CNGB1: variants seen among roughly 807,000 people sequenced by gnomAD.
The protein encoded by CNGB1 is cyclic nucleotide gated channel subunit beta 1.
A neutral mutation model predicts 151.7 loss-of-function variants in CNGB1; 126 were observed. That is an observed-to-expected ratio of 0.83 (90% CI 0.72 to 0.96). The LOEUF (loss-of-function observed/expected upper bound fraction) is 0.96. Ranked by LOEUF, CNGB1 falls within the 40% of genes least tolerant of loss-of-function variation. CNGB1 has a pLI of 0.00. For synonymous variants in CNGB1, 623 were observed against 635.1 expected (o/e 0.98, Z 0.29); for missense variants, 1,698 against 1,627.0 (o/e 1.04, Z -0.75).
intron 25 of CNGB1, among the ~76,000 whole-genome samples, chr16:57,911,476 A>G (rs1403143168): frequency 2.6e-5 from 4 of 151,888 alleles, no homozygotes; most frequent in Non-Finnish European, 4.4e-5. Flanking sequence ...TTTAGTAGAG[A>G]TGGGGTTTTA....
intron 31 of CNGB1, among the ~76,000 whole-genome samples, chr16:57,892,229 T>A (rs1422070779): frequency 6.6e-6 from 1 of 152,164 alleles, no homozygotes; most frequent in Non-Finnish European, 1.5e-5. Flanking sequence ...TGTCCTTGAA[T>A]GACCACAAAA....
At chr16:57,970,584 G>C (rs1962516391) in intron 1 of CNGB1, among the ~76,000 whole-genome samples, 1 of 152,188 alleles carries the variant, frequency 6.6e-6, no homozygotes, top group South Asian at 2.1e-4. Context: ...ACCCTTCCCA[G>C]CAGGCAGCAA....
rs1179228877 is a variant in CNGB1, at chr16:57,923,258, C to G, written c.1643+15G>C. ...CGCAGTCTTTCAATTTTCTGAGACC[C>G]CAGAGGGGTCTCACTCAGTGTCCTT... On this transcript the variant is annotated intron_variant, in intron 18 of 32. Transcript: ENST00000251102. 11 of 1,593,860 alleles carry G rather than the reference C, an allele frequency of 6.9e-6. No individual in the cohort carries two copies. Among genetic ancestry groups the G allele is most frequent in the Non-Finnish European group, 9.4e-6 (11 of 1,165,374 alleles).
Position 57,967,278 on chromosome 16 carries a change from G to A in CNGB1, c.9C>T (p.Gly3=). The A allele has an allele frequency of 1.2e-6, 2 of 1,614,208 alleles. No homozygotes were observed. The highest frequency in any genetic ancestry group is 1.7e-6 in the Non-Finnish European group (2 of 1,180,032). Residue 3 remains glycine, a synonymous_variant, in exon 2 of 33, where the codon GGC becomes GGT. Transcript: ENST00000251102. ...GCTGAGGCAGCACCCTCTGGACCCA[G>A]CCCAACATCCTGATGCCTGTAGGAG... ML[G]WVQRVLPQPP...
intron 14 of CNGB1, among the ~76,000 whole-genome samples, chr16:57,941,730 C>T (rs1253492974): frequency 2.6e-5 from 4 of 152,148 alleles, no homozygotes. Context: ...GTGACAAGCC[C>T]GCAGCTGACA....
chr16:57,883,262 TTTG>T lies in CNGB1; in HGVS notation c.*899_*901del, dbSNP rs1313748089. On this transcript the variant is annotated 3_prime_UTR_variant, in exon 33 of 33. Coordinates refer to ENST00000251102, the MANE Select transcript of CNGB1 (RefSeq NM_001297.5). The stretch of plus-strand genomic sequence containing the variant: ...GAACAGCTCGGGCTGCCCTCCTTTC[TTTG>T]TTTTTTTGTTTGTGTACGTTGTTGT... 8.1e-6 allele frequency: 1 copy of T among 123,536 alleles called. No homozygotes were observed. Among genetic ancestry groups the T allele is most frequent in the Non-Finnish European group, 2.0e-5 (1 of 50,726 alleles). 7.7% of individuals were successfully genotyped at this position (123,536 alleles called of 1,614,324 possible).
intron 23 of CNGB1, among the ~76,000 whole-genome samples, chr16:57,913,276 T>C (rs8049463): frequency 0.15 from 23,557 of 152,174 alleles, 4,786 homozygotes; most frequent in African/African-American, 0.47. Flanking sequence ...CCCTCTGAAT[T>C]CTATCATGAG....
chr16:57,912,242 C>T (rs2149362286), intron 24 of CNGB1, among the ~76,000 whole-genome samples: 1 of 152,296 alleles, frequency 6.6e-6, no homozygotes, highest in Non-Finnish European at 1.5e-5. Flanking sequence ...GCTGGTCTTG[C>T]ACCTCATGCT....
In CNGB1 at chr16:57,963,062, G is replaced by C. The variant is rs1962302452; in HGVS notation, c.293C>G (p.Pro98Arg). Reference sequence around the variant, plus strand: ...GAGCCAGGTCAGTACCCTGCGGCTGGGACTGCGATGGACAGAGACACCAGC... The same window carrying C: ...GAGCCAGGTCAGTACCCTGCGGCTGCGACTGCGATGGACAGAGACACCAGC... The part of the protein sequence containing the change: ...QGAEISEMNS[P>R]SRRVLTWLMK... The change falls in exon 5 of 33, where the codon CCC becomes CGC. Residue 98 changes from proline (P) to arginine (R), a missense_variant and splice_region_variant. Pro to Arg is a moderately radical substitution (Grantham distance 103). Transcript: ENST00000251102. 5 of 1,610,072 alleles carry C rather than the reference G, an allele frequency of 3.1e-6. No homozygotes were observed. The East Asian group carries it at 1.1e-4, about 36-fold the overall frequency.
At chr16:57,917,193 A>G in intron 21 of CNGB1, 75 bp downstream of exon 21, 1 of 1,207,934 alleles carries the variant, frequency 8.3e-7, no homozygotes, top group African/African-American at 1.5e-5. Flanking sequence ...TGACAGCATC[A>G]GGGGTCAGTG....
At chr16:57,923,185 A>C (rs1158688638) in intron 18 of CNGB1, 88 bp downstream of exon 18, 1 of 984,060 alleles carries the variant, frequency 1.0e-6, no homozygotes. Flanking sequence ...TTGCGGTAGA[A>C]GGTTCTAAAA....
intron 16 of CNGB1, chr16:57,936,971 T>C (rs1299709517): frequency 2.0e-5 from 3 of 152,102 alleles, no homozygotes; most frequent in African/African-American, 7.3e-5. Flanking sequence ...AAGGAGATGG[T>C]TTTCCATAAG....
chr16:57,960,463 C>A lies in CNGB1; in HGVS notation c.583+19G>T. ...GTGACCATCCCAGGCAGCCCCCTCC[C>A]GAGCTCCCCTCCCTGTACCTGGGTC... On this transcript the variant is annotated intron_variant, in intron 9 of 32. Transcript: ENST00000251102. 1 of 1,612,288 alleles carries A rather than the reference C, an allele frequency of 6.2e-7. No homozygotes were observed. Among genetic ancestry groups the A allele is most frequent in the East Asian group, 2.2e-5 (1 of 44,750 alleles).
At chr16:57,931,009 T>C (rs1300628554) in intron 17 of CNGB1, among the ~76,000 whole-genome samples, 1 of 151,982 alleles carries the variant, frequency 6.6e-6, no homozygotes, top group Non-Finnish European at 1.5e-5. Flanking sequence ...AGTTTTTTTT[T>C]TAAAAAAGAC....
chr16:57,915,730 C>G lies in CNGB1; in HGVS notation c.2218-395G>C, dbSNP rs141611270. Among the ~76,000 whole-genome samples, 707 of 152,042 alleles carry G rather than the reference C, an allele frequency of 4.7e-3. 4 individuals are homozygous for G. The highest frequency in any genetic ancestry group is 0.016 in the African/African-American group (675 of 41,484). Reference sequence around the variant, plus strand: ...ACTGCCCAACATGGTGAAACCCTGTCTCTTCTAAAAATACAAAAATTAGCT... The same window carrying G: ...ACTGCCCAACATGGTGAAACCCTGTGTCTTCTAAAAATACAAAAATTAGCT... On this transcript the variant is annotated intron_variant, in intron 22 of 32. Coordinates refer to ENST00000251102, the MANE Select transcript of CNGB1 (RefSeq NM_001297.5).
chr16:57,940,204 A>G, intron 15 of CNGB1, 30 bp downstream of exon 15: 1 of 1,541,850 alleles, frequency 6.5e-7, no homozygotes, highest in Admixed American at 2.0e-5. Context: ...GCCAGGCCTC[A>G]GAGGTGCCAG....
At chr16:57,885,636 C>G (rs1372859756) in intron 32 of CNGB1, among the ~76,000 whole-genome samples, 1 of 148,436 alleles carries the variant, frequency 6.7e-6, no homozygotes, top group Non-Finnish European at 1.5e-5. Context: ...CTCTGCCACC[C>G]GGGATGGAGT....
chr16:57,940,508 C>G (rs571958017), intron 14 of CNGB1, among the ~76,000 whole-genome samples, 187 bp from the exon 15 acceptor site: 1 of 152,288 alleles, frequency 6.6e-6, no homozygotes, highest in Admixed American at 6.5e-5. Context: ...GAGACATGCA[C>G]TCAGCAAGGC....
intron 32 of CNGB1, 75 bp from the exon 33 acceptor site, chr16:57,884,532 G>C: frequency 1.3e-6 from 2 of 1,555,704 alleles, no homozygotes; most frequent in Non-Finnish European, 1.8e-6. Flanking sequence ...ACACCTCCCT[G>C]TTCCAGCCTT....
Sources: allele counts gnomAD v4.1 joint callset (sites outside exome capture counted in the v4.1 genomes callset), GRCh38; gene constraint gnomAD v4.1.1; transcripts MANE v1.5; gene names NCBI Gene and HGNC (gene_info 2026-07-23, HGNC 2026-07-21).